Variants in LMO7 observed in about 807,000 individuals in gnomAD.
The protein encoded by LMO7 is LIM domain 7.
LMO7 carries 120 observed loss-of-function variants against 206.5 expected under a neutral mutation model. The ratio of observed to expected loss-of-function variants is 0.58; its 90% CI spans 0.50 to 0.68. The LOEUF is 0.68. Among genes scored for constraint, LMO7 ranks in the 30% least tolerant of loss-of-function variants. The probability of loss-of-function intolerance (pLI) is 0.00; values close to 1 mark genes in which losing one functional copy is unlikely to be tolerated. For synonymous variants in LMO7, 706 were observed against 681.5 expected (o/e 1.04, Z -0.56); for missense variants, 1,959 against 1,957.9 (o/e 1.00, Z -0.01).
At chr13:75,656,860 A>G (rs1195945734) in intron 1 of LMO7, among the ~76,000 whole-genome samples, 2 of 152,212 alleles carry the variant, frequency 1.3e-5, no homozygotes, top group Non-Finnish European at 2.9e-5. Flanking sequence ...CATCAGGCCT[A>G]GGGTGAGCCA....
intron 17 of LMO7, 34 bp from the exon 18 acceptor site, chr13:75,835,199 C>T: frequency 6.2e-7 from 1 of 1,610,502 alleles, no homozygotes; most frequent in Non-Finnish European, 8.5e-7. Flanking sequence ...GCATAAAACC[C>T]TCAATCTCAC....
chr13:75,652,614 A>AGTGTGTGTGTGTGTGT (rs59671117), intron 1 of LMO7, among the ~76,000 whole-genome samples: 4 of 137,876 alleles, frequency 2.9e-5, no homozygotes, highest in South Asian at 5.0e-4. Context: ...CCACAAGTTC[A>AGTGTGTGTGTGTGTGT]GTGTGTGTGT....
chr13:75,756,125 G>A (rs760756802), intron 3 of LMO7, among the ~76,000 whole-genome samples: 5 of 152,110 alleles, frequency 3.3e-5, no homozygotes, highest in South Asian at 2.1e-4. Context: ...GATTCAAGAC[G>A]GTACCTTGCA....
intron 1 of LMO7, among the ~76,000 whole-genome samples, chr13:75,637,113 C>G (rs1338357280): frequency 6.9e-6 from 1 of 143,944 alleles, no homozygotes; most frequent in Non-Finnish European, 1.5e-5. Flanking sequence ...GGTGCATTCC[C>G]TCGGGGTGCC....
At chr13:75,640,978 A>T (rs2036476643) in intron 1 of LMO7, among the ~76,000 whole-genome samples, 1 of 152,180 alleles carries the variant, frequency 6.6e-6, no homozygotes. Flanking sequence ...ACTTACATTT[A>T]GTCATCTCAA....
chr13:75,636,615 C>A lies in LMO7; in HGVS notation c.-43C>A, dbSNP rs572721572. ...CAGACGCGCGGGGACAACCCCTCCC[C>A]TCCACGCATCCCGAGTCTCTCTCTC... On this transcript the variant is annotated 5_prime_UTR_variant, in exon 1 of 31. Coordinates refer to ENST00000377534, the MANE Select transcript of LMO7 (RefSeq NM_001306080.2). 1.3e-5 allele frequency: 20 copies of A among 1,548,942 alleles called. No homozygotes were observed. In the South Asian group the frequency reaches 2.0e-4, roughly 16 times the overall value.
chr13:75,694,208 C>T (rs781737867), intron 1 of LMO7, among the ~76,000 whole-genome samples: 7 of 152,184 alleles, frequency 4.6e-5, no homozygotes, highest in Middle Eastern at 6.8e-3. Flanking sequence ...TTAGAAAATC[C>T]GTGTCACAGA....
chr13:75,735,287 G>C (rs1159553906), intron 3 of LMO7, among the ~76,000 whole-genome samples: 1 of 151,920 alleles, frequency 6.6e-6, no homozygotes, highest in Non-Finnish European at 1.5e-5. Flanking sequence ...GGGGAGGTTT[G>C]TAGGACCCTG....
At position 75,713,189 on chromosome 13, in the gene LMO7, C is replaced by G. The variant is rs796774332; in HGVS notation, c.77C>G (p.Thr26Arg). The G allele has an allele frequency of 9.9e-6, 16 of 1,611,908 alleles. No individual in the cohort carries two copies. Among genetic ancestry groups the G allele is most frequent in the Non-Finnish European group, 1.2e-5 (14 of 1,178,676 alleles). The change falls in exon 2 of 31, where the codon ACA (threonine) becomes AGA (arginine). Residue 26 changes from threonine (T) to arginine (R), a missense_variant. Coordinates refer to ENST00000377534, the MANE Select transcript of LMO7 (RefSeq NM_001306080.2). The part of the protein sequence containing the change: ...AEAQRWVEAV[T>R]EKNFETKDFR... ...ACCAAACCTATCTTTCAGGCAGTAACAGAGAAGAATTTTGAAACAAAAGAT... is the reference window on the plus strand; with the variant it reads ...ACCAAACCTATCTTTCAGGCAGTAAGAGAGAAGAATTTTGAAACAAAAGAT...
chr13:75,759,094 C>T (rs541798865), intron 3 of LMO7, among the ~76,000 whole-genome samples: 5 of 152,190 alleles, frequency 3.3e-5, no homozygotes, highest in South Asian at 2.1e-4. Context: ...TGAGAGAGAG[C>T]GAAGGGGGAA....
chr13:75,709,788 A>T (rs2042943052), intron 1 of LMO7, among the ~76,000 whole-genome samples: 1 of 152,008 alleles, frequency 6.6e-6, no homozygotes, highest in African/African-American at 2.4e-5. Context: ...GCTGTGCAGA[A>T]GCTCTTTAGT....
At chr13:75,758,793 T>C (rs537766173) in intron 3 of LMO7, among the ~76,000 whole-genome samples, 1 of 152,242 alleles carries the variant, frequency 6.6e-6, no homozygotes, top group African/African-American at 2.4e-5. Flanking sequence ...AGTTTACTTT[T>C]AGTTTAACCT....
chr13:75,788,099 GC>G (rs1003350948), intron 4 of LMO7, among the ~76,000 whole-genome samples: 8 of 152,198 alleles, frequency 5.3e-5, no homozygotes, highest in Middle Eastern at 3.4e-3. Flanking sequence ...AAGAGCAATA[GC>G]CCCTTCCCTT....
At chr13:75,715,564 A>G (rs1395569912) in intron 2 of LMO7, among the ~76,000 whole-genome samples, 1 of 152,244 alleles carries the variant, frequency 6.6e-6, no homozygotes, top group Non-Finnish European at 1.5e-5. Context: ...ATCTGAAGCC[A>G]TGGTAATCAG....
chr13:75,769,273 A>C (rs1014319605), intron 4 of LMO7, among the ~76,000 whole-genome samples: 1 of 151,984 alleles, frequency 6.6e-6, no homozygotes, highest in Non-Finnish European at 1.5e-5. Flanking sequence ...GCTGAGCAGC[A>C]GTCCTGGGTG....
chr13:75,695,414 T>C (rs1416441268), intron 1 of LMO7, among the ~76,000 whole-genome samples: 3 of 152,170 alleles, frequency 2.0e-5, no homozygotes, highest in African/African-American at 7.2e-5. Context: ...CAGGCTGGAG[T>C]GCACTCACTG....
chr13:75,652,427 G>A (rs528858596), intron 1 of LMO7, among the ~76,000 whole-genome samples: 10 of 152,230 alleles, frequency 6.6e-5, no homozygotes, highest in African/African-American at 2.4e-4. Context: ...TTCATTCTCT[G>A]CAGTCAGGTA....
At chr13:75,835,427 T>C in intron 18 of LMO7, 88 bp downstream of exon 18, 1 of 804,140 alleles carries the variant, frequency 1.2e-6, no homozygotes, top group Non-Finnish European at 1.9e-6. Context: ...CTTTTGTTTG[T>C]ACAATTTTGA....
At chr13:75,756,882 G>A (rs536574007) in intron 3 of LMO7, among the ~76,000 whole-genome samples, 7 of 152,304 alleles carry the variant, frequency 4.6e-5, no homozygotes, top group African/African-American at 9.6e-5. Flanking sequence ...TTATTAGGGA[G>A]TAAGTGTATT....
Sources: allele counts gnomAD v4.1 joint callset (sites outside exome capture counted in the v4.1 genomes callset), GRCh38; gene constraint gnomAD v4.1.1; transcripts MANE v1.5; gene names NCBI Gene and HGNC (gene_info 2026-07-23, HGNC 2026-07-21).